CNBD1: variants seen among roughly 807,000 people sequenced by gnomAD.
CNBD1 encodes cyclic nucleotide-binding domain-containing protein 1.
Under a neutral mutation model 54.4 loss-of-function variants are expected in CNBD1, and 71 were observed. The observed-to-expected ratio is 1.30, with a 90% confidence interval of 1.08 to 1.59. The LOEUF (loss-of-function observed/expected upper bound fraction) is 1.59, where lower values mean the gene tolerates loss of function less well. CNBD1 is among the 40% of genes most tolerant of loss of function. The probability of loss-of-function intolerance (pLI) is 0.00; values close to 1 mark genes in which losing one functional copy is unlikely to be tolerated. For synonymous variants in CNBD1, 182 were observed against 170.7 expected (o/e 1.07, Z -0.51); for missense variants, 659 against 518.0 (o/e 1.27, Z -2.64).
At chr8:87,130,559 T>C (rs1812096712) in intron 4 of CNBD1, among the ~76,000 whole-genome samples, 1 of 152,082 alleles carries the variant, frequency 6.6e-6, no homozygotes, top group African/African-American at 2.4e-5. Flanking sequence ...GGTGAATTAA[T>C]TGAGCCCAGG....
intron 3 of CNBD1, among the ~76,000 whole-genome samples, chr8:86,917,150 A>G (rs1189051535): frequency 8.5e-6 from 1 of 117,152 alleles, no homozygotes; most frequent in Non-Finnish European, 2.0e-5. Flanking sequence ...TCAAAAAAGA[A>G]AAAAAAAGAA....
At chr8:87,032,310 G>A (rs184556001) in intron 4 of CNBD1, among the ~76,000 whole-genome samples, 1 of 152,260 alleles carries the variant, frequency 6.6e-6, no homozygotes, top group African/African-American at 2.4e-5. Flanking sequence ...ATTACTAAGA[G>A]CCTATTGTTG....
chr8:87,081,212 AT>A (rs1810983497), intron 4 of CNBD1, among the ~76,000 whole-genome samples: 1 of 151,730 alleles, frequency 6.6e-6, no homozygotes, highest in South Asian at 2.1e-4. Flanking sequence ...TATCATTTTC[AT>A]TTTTTCCATA....
At chr8:87,427,422 G>A (rs1586097416) in intron 2 of CNBD1, among the ~76,000 whole-genome samples, 1 of 151,942 alleles carries the variant, frequency 6.6e-6, no homozygotes, top group East Asian at 1.9e-4. Context: ...GGGCTAATAG[G>A]TTTACCGATA....
chr8:87,354,331 G>T (rs1349208730), intron 10 of CNBD1, among the ~76,000 whole-genome samples: 1 of 152,066 alleles, frequency 6.6e-6, no homozygotes, highest in Non-Finnish European at 1.5e-5. Context: ...TAAGCATTCA[G>T]GGGTACTTGG....
Position 87,286,637 on chromosome 8 carries a change from A to C in CNBD1, c.1008A>C (p.Ala336=). The change falls in exon 8 of 11, where the codon GCA becomes GCC. Residue 336 remains alanine, a synonymous_variant. Coordinates refer to ENST00000518476, the MANE Select transcript of CNBD1 (RefSeq NM_173538.3). ...WPTLSIYELI[A]LLKWKKFPPG... is the part of the protein sequence containing the mutation. ...CTTTATCCATATATGAGCTAATTGC[A>C]CTCCTTAAATGGAAAAAATTTCCTC... The C allele has an allele frequency of 6.5e-7, 1 of 1,540,258 alleles. No homozygotes were observed. Among genetic ancestry groups the C allele is most frequent in the Non-Finnish European group, 8.8e-7 (1 of 1,137,074 alleles).
At chr8:87,422,008 C>T (rs1355840893) in intron 2 of CNBD1, among the ~76,000 whole-genome samples, 5 of 149,618 alleles carry the variant, frequency 3.3e-5, no homozygotes, top group African/African-American at 5.0e-5. Flanking sequence ...TTTTGATTTG[C>T]ATTTCTCTGA....
chr8:87,410,304 A>AT (rs1324441906), intron 2 of CNBD1, among the ~76,000 whole-genome samples: 1 of 152,166 alleles, frequency 6.6e-6, no homozygotes, highest in Admixed American at 6.5e-5. Context: ...AATACATTTC[A>AT]TTAGGATATA....
At position 87,351,302 on chromosome 8, in the gene CNBD1, G is replaced by T. The variant is rs576069375; in HGVS notation, c.1043-383G>T. 3.9e-5 allele frequency among the ~76,000 whole-genome samples: 6 copies of T among 152,194 alleles called. No homozygotes were observed. The South Asian group carries it at 6.2e-4, about 16-fold the overall frequency. ...GAATTTTCAAATATTTATCAATATT[G>T]TGGGTTTGTTATTAAACTATCAGAA... is the stretch of plus-strand genomic sequence containing the variant. On this transcript the variant is annotated intron_variant, in intron 8 of 10. Coordinates refer to ENST00000518476, the MANE Select transcript of CNBD1 (RefSeq NM_173538.3).
intron 4 of CNBD1, among the ~76,000 whole-genome samples, chr8:87,127,712 G>C (rs1235226690): frequency 2.6e-5 from 4 of 152,030 alleles, no homozygotes; most frequent in Non-Finnish European, 4.4e-5. Flanking sequence ...ACAGACATTT[G>C]TTTCCTATAT....
chr8:87,108,806 T>C (rs573331564), intron 4 of CNBD1, among the ~76,000 whole-genome samples: 4 of 152,342 alleles, frequency 2.6e-5, no homozygotes, highest in African/African-American at 9.6e-5. Flanking sequence ...AGGGGAATGC[T>C]TTATAACTCA....
intron 8 of CNBD1, among the ~76,000 whole-genome samples, chr8:87,344,000 G>T (rs1810118634): frequency 6.6e-6 from 1 of 151,782 alleles, no homozygotes; most frequent in Admixed American, 6.6e-5. Flanking sequence ...CTTTGCTTAG[G>T]TTTTGATTTG....
chr8:87,183,385 G>GTTTTT, intron 4 of CNBD1, among the ~76,000 whole-genome samples: 1 of 118,436 alleles, frequency 8.4e-6, no homozygotes, highest in East Asian at 2.7e-4. Flanking sequence ...TGCGCTGTTT[G>GTTTTT]TTTTTTTTTT....
Position 87,152,368 on chromosome 8 carries a change from G to T in CNBD1, c.432-53625G>T, listed in dbSNP as rs553112302. On this transcript the variant is annotated intron_variant, in intron 4 of 10. Coordinates refer to ENST00000518476, the MANE Select transcript of CNBD1 (RefSeq NM_173538.3). ...GGGTGTCCAATCTTTTGGCTTTTATGGGCCACATTGGAAGAAGAATTGTCT... is the reference window on the plus strand; with the variant it reads ...GGGTGTCCAATCTTTTGGCTTTTATTGGCCACATTGGAAGAAGAATTGTCT... Among the ~76,000 whole-genome samples the T allele has an allele frequency of 2.6e-5, 4 of 151,320 alleles. No homozygotes were observed. In the South Asian group the frequency reaches 8.3e-4, roughly 32 times the overall value.
intron 4 of CNBD1, among the ~76,000 whole-genome samples, chr8:87,093,624 C>T (rs1005726224): frequency 2.0e-5 from 3 of 152,076 alleles, no homozygotes; most frequent in Admixed American, 6.6e-5. Context: ...GACCAAATGA[C>T]GGGTTACTAT....
intron 4 of CNBD1, among the ~76,000 whole-genome samples, chr8:87,101,439 A>G (rs973508083): frequency 2.6e-5 from 4 of 151,686 alleles, no homozygotes; most frequent in African/African-American, 9.7e-5. Context: ...GGATACAACT[A>G]TAAATATATA....
chr8:87,036,391 G>C (rs1286861568), intron 4 of CNBD1, among the ~76,000 whole-genome samples: 3 of 151,876 alleles, frequency 2.0e-5, no homozygotes, highest in Non-Finnish European at 2.9e-5. Context: ...TCAGGAGATC[G>C]AGACCATCCT....
intron 4 of CNBD1, among the ~76,000 whole-genome samples, chr8:87,050,665 C>T (rs1489002831): frequency 6.6e-6 from 1 of 152,164 alleles, no homozygotes; most frequent in Non-Finnish European, 1.5e-5. Flanking sequence ...AACCATGAAA[C>T]ATTTAGATCC....
rs989065621 is a variant in CNBD1 at position 87,324,053 on chromosome 8, G to A, written c.1043-27632G>A. On this transcript the variant is annotated intron_variant, in intron 8 of 10. Coordinates refer to ENST00000518476, the MANE Select transcript of CNBD1 (RefSeq NM_173538.3). ...GTCAAAGGCTTTTTCTGCATCTATT[G>A]AGATAATCATGTGGTTTTTGTCTTT... is the stretch of plus-strand genomic sequence containing the variant. Among the ~76,000 whole-genome samples the A allele has an allele frequency of 3.5e-4, 44 of 125,566 alleles. 3 individuals are homozygous for A. The highest frequency in any genetic ancestry group is 1.4e-3 in the South Asian group (6 of 4,222). The allele number at this position is 125,566 out of a possible 152,430, so 82.4% of individuals were successfully genotyped here.
Sources: allele counts gnomAD v4.1 joint callset (sites outside exome capture counted in the v4.1 genomes callset), GRCh38; gene constraint gnomAD v4.1.1; transcripts MANE v1.5; gene names NCBI Gene and HGNC (gene_info 2026-07-23, HGNC 2026-07-21).